Variants in MBTD1 observed in about 807,000 individuals in gnomAD.
The protein encoded by MBTD1 is MBT domain-containing protein 1.
A neutral mutation model predicts 87.8 loss-of-function variants in MBTD1; 24 were observed. The observed-to-expected ratio is 0.27, with a 90% CI of 0.20 to 0.38. The LOEUF (loss-of-function observed/expected upper bound fraction) is 0.38, where lower values mean the gene tolerates loss of function less well. Among genes scored for constraint, MBTD1 ranks in the 10% least tolerant of loss-of-function variants. The pLI, the probability that MBTD1 is intolerant of heterozygous loss-of-function variation, is 1.00. For synonymous variants in MBTD1, 237 were observed against 248.6 expected, an observed-to-expected ratio of 0.95 and a Z score of 0.44; for missense variants, 436 against 760.2, an observed-to-expected ratio of 0.57 and a Z score of 5.02.
At chr17:51,221,929 A>G (rs1289427512) in intron 3 of MBTD1, among the ~76,000 whole-genome samples, 1 of 152,248 alleles carries the variant, frequency 6.6e-6, no homozygotes, top group Non-Finnish European at 1.5e-5. Flanking sequence ...TCTATGAGAA[A>G]TCATGGAAAA....
At chr17:51,200,864 TAAAA>T (rs555894570) in intron 12 of MBTD1, among the ~76,000 whole-genome samples, 1 of 138,230 alleles carries the variant, frequency 7.2e-6, no homozygotes, top group East Asian at 2.1e-4. Flanking sequence ...ACCATGTCTT[TAAAA>T]AAAAAAAAAA....
At chr17:51,256,835 G>T (rs1426256653) in intron 2 of MBTD1, 1 of 152,172 alleles carries the variant, frequency 6.6e-6, no homozygotes, top group Non-Finnish European at 1.5e-5. Flanking sequence ...CAACTGCCAT[G>T]AGAAAATGGA....
intron 2 of MBTD1, among the ~76,000 whole-genome samples, chr17:51,226,545 A>G (rs957421170): frequency 2.0e-4 from 31 of 152,036 alleles, no homozygotes; most frequent in Non-Finnish European, 1.3e-4. Context: ...TGAAATATAC[A>G]TAACAAACAT....
chr17:51,247,861 G>A (rs528507938), intron 2 of MBTD1, among the ~76,000 whole-genome samples: 3 of 152,328 alleles, frequency 2.0e-5, no homozygotes, highest in African/African-American at 7.2e-5. Flanking sequence ...TAGGCCTGGT[G>A]TTTGGTGGGA....
At chr17:51,237,425 C>T (rs545209787) in intron 2 of MBTD1, among the ~76,000 whole-genome samples, 3 of 151,780 alleles carry the variant, frequency 2.0e-5, no homozygotes, top group African/African-American at 7.3e-5. Context: ...AAAATATTTG[C>T]AAATCACAGA....
intron 16 of MBTD1, among the ~76,000 whole-genome samples, chr17:51,189,001 G>A (rs1199464677): frequency 3.3e-5 from 5 of 151,856 alleles, no homozygotes; most frequent in South Asian, 2.1e-4. Context: ...CAGGTGATCC[G>A]CCTGCCTCGG....
At chr17:51,200,390 T>C (rs575627024) in intron 12 of MBTD1, among the ~76,000 whole-genome samples, 4 of 150,340 alleles carry the variant, frequency 2.7e-5, no homozygotes, top group African/African-American at 4.9e-5. Flanking sequence ...TGAGACCCCA[T>C]TGCTAAGAAA....
chr17:51,253,983 AAT>A (rs2054938705), intron 2 of MBTD1, among the ~76,000 whole-genome samples: 1 of 152,230 alleles, frequency 6.6e-6, no homozygotes, highest in African/African-American at 2.4e-5. Flanking sequence ...GTGTAATTTC[AAT>A]ATGAGTAAAC....
intron 2 of MBTD1, among the ~76,000 whole-genome samples, chr17:51,229,659 ACTTTTTT>A (rs2053442133): frequency 8.2e-6 from 1 of 122,228 alleles, no homozygotes; most frequent in African/African-American, 2.9e-5. Flanking sequence ...TTTTTAGTAT[ACTTTTTT>A]TTTTTTTTTT....
chr17:51,223,377 A>T (rs1418235313), intron 3 of MBTD1, among the ~76,000 whole-genome samples: 2 of 151,242 alleles, frequency 1.3e-5, no homozygotes, highest in African/African-American at 4.9e-5. Flanking sequence ...CTCTGAAAAA[A>T]ATACAAAAAT....
rs2050161601 is a variant in MBTD1 at position 51,177,955 on chromosome 17, T to A, written c.*2621A>T. ...TCACATCACGCAAAATTAATAATAA[T>A]AATAAAAACAAACAAACACTGAAAA... On this transcript the variant is annotated 3_prime_UTR_variant, in exon 17 of 17. Transcript: ENST00000586178. 6.6e-6 allele frequency: 1 copy of A among 151,976 alleles called. No individual in the cohort carries two copies. The highest frequency in any genetic ancestry group is 2.4e-5 in the African/African-American group (1 of 41,382). 9.4% of individuals were successfully genotyped at this position (151,976 alleles called of 1,614,324 possible).
intron 8 of MBTD1, 99 bp from the exon 9 acceptor site, chr17:51,203,327 A>G: frequency 1.5e-6 from 1 of 656,690 alleles, no homozygotes; most frequent in Non-Finnish European, 2.5e-6. Flanking sequence ...AAGTCAGGCT[A>G]TTAACATTCT....
intron 6 of MBTD1, among the ~76,000 whole-genome samples, chr17:51,210,608 T>C (rs1285085105): frequency 6.6e-6 from 1 of 151,444 alleles, no homozygotes; most frequent in African/African-American, 2.4e-5. Context: ...ATACAAAAAT[T>C]AGCTGGGTAT....
rs930407612 is a variant in MBTD1, at chr17:51,216,217, C to T, written c.486+1117G>A. Among the ~76,000 whole-genome samples the T allele has an allele frequency of 4.6e-5, 7 of 152,132 alleles. No homozygotes were observed. The East Asian group carries it at 9.6e-4, about 21-fold the overall frequency. On this transcript the variant is annotated intron_variant, in intron 6 of 16. Coordinates refer to ENST00000586178, the MANE Select transcript of MBTD1 (RefSeq NM_017643.3). The stretch of plus-strand genomic sequence containing the variant: ...AAAGTGCTGGGATTACAGGCGTGAG[C>T]CACCGTGCCCGGCCTAGAGCCCTAA...
intron 16 of MBTD1, chr17:51,183,401 T>TCTCAGGTGATTCACCTGC (rs758091073): frequency 1.3e-5 from 2 of 151,978 alleles, no homozygotes; most frequent in Non-Finnish European, 2.9e-5. Flanking sequence ...AAACTCCTGA[T>TCTCAGGTGATTCACCTGC]CTCAGGTGAT....
chr17:51,238,301 T>C (rs1329958283), intron 2 of MBTD1, among the ~76,000 whole-genome samples: 6 of 152,198 alleles, frequency 3.9e-5, no homozygotes, highest in African/African-American at 1.4e-4. Context: ...AGAAAATGTA[T>C]TTTCAGATAT....
upstream of MBTD1, chr17:51,260,819 A>T: frequency 6.3e-7 from 1 of 1,592,884 alleles, no homozygotes; most frequent in South Asian, 1.1e-5. Flanking sequence ...GAACCGCCTG[A>T]GGCTGGAGGA....
chr17:51,248,058 T>A (rs1568237809), intron 2 of MBTD1, among the ~76,000 whole-genome samples: 1 of 152,216 alleles, frequency 6.6e-6, no homozygotes, highest in African/African-American at 2.4e-5. Flanking sequence ...ATTTCCTCTG[T>A]ATCCAATGTT....
chr17:51,234,947 T>C (rs946477297), intron 2 of MBTD1, among the ~76,000 whole-genome samples: 2 of 151,936 alleles, frequency 1.3e-5, no homozygotes, highest in Non-Finnish European at 2.9e-5. Context: ...CTGCCCACCT[T>C]GGCCTCCCAA....
Sources: allele counts gnomAD v4.1 joint callset (sites outside exome capture counted in the v4.1 genomes callset), GRCh38; gene constraint gnomAD v4.1.1; transcripts MANE v1.5; gene names NCBI Gene and HGNC (gene_info 2026-07-23, HGNC 2026-07-21).